CLIP4: variants seen among roughly 807,000 people sequenced by gnomAD.
CLIP4 encodes the protein CAP-Gly domain-containing linker protein 4.
Under a neutral mutation model 73.1 loss-of-function variants are expected in CLIP4, and 47 were observed. That is an observed-to-expected ratio of 0.64 (90% CI 0.51 to 0.82). The LOEUF is 0.82. Among genes scored for constraint, CLIP4 ranks in the 40% least tolerant of loss-of-function variants. The pLI, the probability that CLIP4 is intolerant of heterozygous loss-of-function variation, is 0.00. For synonymous variants in CLIP4, 306 were observed against 295.4 expected (o/e 1.04, Z -0.37); for missense variants, 874 against 852.9 (o/e 1.02, Z -0.31).
intron 8 of CLIP4, among the ~76,000 whole-genome samples, chr2:29,148,610 A>G (rs1174034579): frequency 1.3e-5 from 2 of 152,216 alleles, no homozygotes; most frequent in Non-Finnish European, 2.9e-5. Context: ...GAACTAGGCA[A>G]GAACTTTTTC....
At chr2:29,160,834 T>G (rs2148054619) in intron 12 of CLIP4, among the ~76,000 whole-genome samples, 1 of 152,334 alleles carries the variant, frequency 6.6e-6, no homozygotes, top group South Asian at 2.1e-4. Context: ...ATTGTATACC[T>G]TTTTAAAAGA....
chr2:29,160,530 C>A, intron 12 of CLIP4, 63 bp downstream of exon 12: 1 of 1,556,842 alleles, frequency 6.4e-7, no homozygotes, highest in Non-Finnish European at 8.8e-7. Context: ...TAAAATTTTA[C>A]ATGTAAATAG....
At chr2:29,136,247 G>A (rs796457209) in intron 6 of CLIP4, among the ~76,000 whole-genome samples, 4 of 149,972 alleles carry the variant, frequency 2.7e-5, no homozygotes, top group Admixed American at 6.7e-5. Flanking sequence ...ACAATAACTC[G>A]CTCTGGCAGG....
At chr2:29,132,498 A>C in intron 4 of CLIP4, 1 of 436,240 alleles carries the variant, frequency 2.3e-6, no homozygotes, top group Non-Finnish European at 4.0e-6. Flanking sequence ...AGATGAGAGT[A>C]ACTAGTAACA....
chr2:29,157,136 C>A, intron 10 of CLIP4, 68 bp from the exon 11 acceptor site: 1 of 1,379,804 alleles, frequency 7.2e-7, no homozygotes, highest in Non-Finnish European at 1.0e-6. Context: ...GAAAGATTTG[C>A]CTTGACAAGC....
intron 14 of CLIP4, chr2:29,167,860 A>G (rs1667729046): frequency 5.0e-6 from 1 of 198,574 alleles, no homozygotes. Context: ...AGATATATCA[A>G]TAAATAATAT....
At chr2:29,110,504 G>T (rs758829507), upstream of CLIP4, among the ~76,000 whole-genome samples, 3 of 152,172 alleles carry the variant, frequency 2.0e-5, no homozygotes, top group African/African-American at 7.2e-5. Context: ...GCAAAAAGAA[G>T]AATAGAGTTG....
chr2:29,163,606 T>A (rs2148063186), intron 12 of CLIP4, among the ~76,000 whole-genome samples: 1 of 152,334 alleles, frequency 6.6e-6, no homozygotes, highest in Admixed American at 6.5e-5. Flanking sequence ...TTTCCTCCTT[T>A]AATGTACTGC....
At chr2:29,168,665 A>G (rs1473436898) in intron 14 of CLIP4, among the ~76,000 whole-genome samples, 1 of 151,220 alleles carries the variant, frequency 6.6e-6, no homozygotes, top group Admixed American at 6.6e-5. Context: ...TGGCACTACA[A>G]GCACCTGCCA....
intron 12 of CLIP4, 40 bp from the exon 13 acceptor site, chr2:29,163,790 TA>T: frequency 4.4e-6 from 7 of 1,573,770 alleles, no homozygotes; most frequent in Non-Finnish European, 6.0e-6. Context: ...GAGTTTTGGA[TA>T]AAGTACAGAT....
intron 1 of CLIP4, among the ~76,000 whole-genome samples, chr2:29,103,056 G>A (rs950978998): frequency 6.6e-6 from 1 of 152,052 alleles, no homozygotes; most frequent in African/African-American, 2.4e-5. Flanking sequence ...AGCCTGTCCC[G>A]TGCCTTAGTC....
intron 11 of CLIP4, 56 bp downstream of exon 11, chr2:29,157,403 G>A: frequency 6.2e-7 from 1 of 1,613,310 alleles, no homozygotes; most frequent in Non-Finnish European, 8.5e-7. Context: ...TGGTTTGTTT[G>A]TAAGTAGATT....
intron 8 of CLIP4, among the ~76,000 whole-genome samples, chr2:29,151,992 T>C (rs767609710): frequency 2.7e-4 from 41 of 152,220 alleles, no homozygotes; most frequent in South Asian, 1.2e-3. Context: ...TGTTTCTGAT[T>C]GTCAGGACCT....
intron 12 of CLIP4, among the ~76,000 whole-genome samples, chr2:29,160,772 A>G (rs1322389389): frequency 6.6e-6 from 1 of 152,134 alleles, no homozygotes; most frequent in Non-Finnish European, 1.5e-5. Flanking sequence ...ACATTTTAGG[A>G]TTAGATTTTT....
chr2:29,173,083 A>G (rs1330483721), intron 14 of CLIP4, among the ~76,000 whole-genome samples: 2 of 151,942 alleles, frequency 1.3e-5, no homozygotes, highest in African/African-American at 4.8e-5. Context: ...TCCTTGTGAG[A>G]TGCTTGTTTT....
At chr2:29,110,057 C>CAA (rs200055477) in intron 1 of CLIP4, among the ~76,000 whole-genome samples, 10 of 149,464 alleles carry the variant, frequency 6.7e-5, no homozygotes, top group African/African-American at 2.3e-4. Flanking sequence ...GATTCTGTCT[C>CAA]AAAAAAATAA....
At chr2:29,107,649 T>C (rs1668266140) in intron 1 of CLIP4, among the ~76,000 whole-genome samples, 1 of 151,770 alleles carries the variant, frequency 6.6e-6, no homozygotes, top group Non-Finnish European at 1.5e-5. Context: ...TCTGGGATTA[T>C]AGGCATGAGC....
chr2:29,143,405 T>TA (rs1665917267), intron 6 of CLIP4, among the ~76,000 whole-genome samples: 1 of 35,490 alleles, frequency 2.8e-5, no homozygotes, highest in East Asian at 6.0e-3. Flanking sequence ...TCCCTGTTTT[T>TA]TTTTTTTCCC....
At chr2:29,160,508 G>A (rs2305450) in intron 12 of CLIP4, 41 bp downstream of exon 12, 1,444,056 of 1,605,518 alleles carry the variant, frequency 0.9, 650,446 homozygotes, top group Admixed American at 0.93. Flanking sequence ...ATTCTTTAGA[G>A]TACAAAAGGT....
Sources: allele counts gnomAD v4.1 joint callset (sites outside exome capture counted in the v4.1 genomes callset), GRCh38; gene constraint gnomAD v4.1.1; transcripts MANE v1.5; gene names NCBI Gene and HGNC (gene_info 2026-07-23, HGNC 2026-07-21).